Variants in KIF21A observed in about 807,000 individuals in gnomAD.
KIF21A encodes kinesin family member 21A.
A neutral mutation model predicts 202.9 loss-of-function variants in KIF21A; 114 were observed. That is an observed-to-expected ratio of 0.56 (90% confidence interval 0.48 to 0.66). The LOEUF is 0.66. Among genes scored for constraint, KIF21A ranks in the 30% least tolerant of loss-of-function variants. The pLI is 0.00. For missense variants in KIF21A, 1,677 were observed against 1,994.9 expected, an observed-to-expected ratio of 0.84 and a Z score of 3.04; for synonymous variants, 667 against 670.8, an observed-to-expected ratio of 0.99 and a Z score of 0.09.
chr12:39,306,755 T>C (rs1270909804), intron 34 of KIF21A, among the ~76,000 whole-genome samples: 1 of 152,194 alleles, frequency 6.6e-6, no homozygotes, highest in Non-Finnish European at 1.5e-5. Context: ...GCACAGTGGC[T>C]CCTGCCTATA....
chr12:39,373,263 C>T (rs77728986), intron 1 of KIF21A, among the ~76,000 whole-genome samples: 65 of 152,328 alleles, frequency 4.3e-4, no homozygotes, highest in South Asian at 1.7e-3. Context: ...AGTTTCACTA[C>T]CAGCTATGCT....
chr12:39,367,482 A>G (rs1949678375), intron 4 of KIF21A, among the ~76,000 whole-genome samples: 1 of 152,188 alleles, frequency 6.6e-6, no homozygotes, highest in South Asian at 2.1e-4. Flanking sequence ...ACGCTTCTCT[A>G]TATTCCGTTA....
At chr12:39,412,213 A>C (rs1953152376) in intron 1 of KIF21A, among the ~76,000 whole-genome samples, 1 of 152,168 alleles carries the variant, frequency 6.6e-6, no homozygotes, top group Non-Finnish European at 1.5e-5. Flanking sequence ...TATTCTCAAT[A>C]AGTACAATGA....
At chr12:39,329,719 G>A (rs561966833) in intron 24 of KIF21A, among the ~76,000 whole-genome samples, 214 of 152,234 alleles carry the variant, frequency 1.4e-3, no homozygotes, top group African/African-American at 4.8e-3. Context: ...TGAATAGCCT[G>A]ACCAATATTG....
In KIF21A at chr12:39,300,198, G is replaced by C. The variant is rs564822057; in HGVS notation, c.4931+1282C>G. 3.3e-5 allele frequency among the ~76,000 whole-genome samples: 5 copies of C among 152,206 alleles called. No individual in the cohort carries two copies. In the East Asian group the frequency reaches 7.7e-4, roughly 23 times the overall value. On this transcript the variant is annotated intron_variant, in intron 37 of 37. Coordinates refer to ENST00000361418, the MANE Select transcript of KIF21A (RefSeq NM_001173464.2). ...CAATTACATTACATGTCAATCCCCA[G>C]GCCTCACTGATACACAATACTAAGT...
At position 39,442,848 on chromosome 12, in the gene KIF21A, G is replaced by T; in HGVS notation, c.44+79C>A. 1.3e-6 allele frequency: 2 copies of T among 1,490,650 alleles called. No individual in the cohort carries two copies. Among genetic ancestry groups the T allele is most frequent in the Non-Finnish European group, 1.8e-6 (2 of 1,116,066 alleles). The allele number at this position is 1,490,650 out of a possible 1,614,324, so 92.3% of individuals were successfully genotyped here. On this transcript the variant is annotated intron_variant, in intron 1 of 37. Transcript: ENST00000361418. The surrounding 1 kb of genome is among the most constrained non-coding windows in gnomAD (Gnocchi z 5.0). The stretch of plus-strand genomic sequence containing the variant: ...CTCAGGTCGCTCCACCCCGGTAGCC[G>T]GTGCTCCGCGCCACAGCCAGGTCCT...
chr12:39,392,671 A>T (rs1323264409), intron 1 of KIF21A, among the ~76,000 whole-genome samples: 1 of 151,610 alleles, frequency 6.6e-6, no homozygotes, highest in Non-Finnish European at 1.5e-5. Flanking sequence ...CAGGACAAGG[A>T]GGTAGTTGGT....
intron 1 of KIF21A, among the ~76,000 whole-genome samples, chr12:39,425,432 T>C (rs940530117): frequency 2.0e-5 from 3 of 152,148 alleles, no homozygotes; most frequent in African/African-American, 7.2e-5. Flanking sequence ...TTTTCACCTC[T>C]GATGTTAAAG....
intron 1 of KIF21A, among the ~76,000 whole-genome samples, chr12:39,374,154 C>T (rs1190224993): frequency 6.6e-6 from 1 of 152,170 alleles, no homozygotes; most frequent in Non-Finnish European, 1.5e-5. Context: ...GAACACCCAA[C>T]CCAAGCCAGT....
intron 10 of KIF21A, among the ~76,000 whole-genome samples, chr12:39,352,598 C>A (rs1374136198): frequency 6.6e-6 from 1 of 152,156 alleles, no homozygotes; most frequent in Non-Finnish European, 1.5e-5. Context: ...AATACACAAG[C>A]AGCATGCTCC....
At chr12:39,371,804 C>T (rs1949974885) in intron 1 of KIF21A, among the ~76,000 whole-genome samples, 1 of 151,896 alleles carries the variant, frequency 6.6e-6, no homozygotes, top group Non-Finnish European at 1.5e-5. Flanking sequence ...GTGGTGCAGC[C>T]TGTAATCCCA....
intron 1 of KIF21A, among the ~76,000 whole-genome samples, chr12:39,416,746 T>TGTACATATATATGTGTATATAC (rs1953729171): frequency 6.4e-5 from 9 of 140,586 alleles, no homozygotes; most frequent in African/African-American, 1.9e-4. Context: ...TGTATATATA[T>TGTACATATATATGTGTATATAC]ATGTACATAT....
chr12:39,351,421 TG>T (rs755628999), intron 11 of KIF21A, among the ~76,000 whole-genome samples: 1 of 151,896 alleles, frequency 6.6e-6, no homozygotes, highest in Non-Finnish European at 1.5e-5. Context: ...CATTAGGAAA[TG>T]GGGAAAAAAT....
chr12:39,392,239 GAA>G (rs1230828332), intron 1 of KIF21A, among the ~76,000 whole-genome samples: 1 of 152,162 alleles, frequency 6.6e-6, no homozygotes, highest in East Asian at 1.9e-4. Flanking sequence ...GGCTTTTCAT[GAA>G]AGAGTGACAA....
Position 39,343,522 on chromosome 12 carries a change from A to G in KIF21A, c.1713-1398T>C, listed in dbSNP as rs577538102. ...ATCATGTTTTCATATATTCTTCTATATTAAATAATTTCCCTAATACATGGA... is the reference window on the plus strand; with the variant it reads ...ATCATGTTTTCATATATTCTTCTATGTTAAATAATTTCCCTAATACATGGA... On this transcript the variant is annotated intron_variant, in intron 12 of 37. Transcript: ENST00000361418. 1.4e-4 allele frequency among the ~76,000 whole-genome samples: 22 copies of G among 152,306 alleles called. No individual in the cohort carries two copies. The East Asian group carries it at 4.2e-3, about 29-fold the overall frequency.
At chr12:39,441,406 C>T (rs1418229435) in intron 1 of KIF21A, among the ~76,000 whole-genome samples, 1 of 151,926 alleles carries the variant, frequency 6.6e-6, no homozygotes, top group Admixed American at 6.6e-5. Context: ...CTTCACTTTC[C>T]TTGATCAGAT....
intron 22 of KIF21A, 94 bp downstream of exon 22, chr12:39,331,596 A>T: frequency 2.4e-6 from 2 of 842,352 alleles, no homozygotes; most frequent in Non-Finnish European, 4.1e-6. Context: ...CTTCTTCCTT[A>T]TTACAAAGCA....
rs767452046 is a variant in KIF21A at position 39,301,654 on chromosome 12, C to A, written c.4757G>T (p.Trp1586Leu). The stretch of plus-strand genomic sequence containing the variant: ...TGGCACCACTCCCAGGGCACAGACC[C>A]AATCCTTATGTGCATTTGGAACTTG... ...LQQVPNAHKD[W>L]VCALGVVPDH... The change falls in exon 37 of 38, where the codon TGG (tryptophan) becomes TTG (leucine). Residue 1586 changes from tryptophan to leucine, a missense_variant. Trp to Leu is a moderately conservative substitution (Grantham distance 61). Coordinates refer to ENST00000361418, the MANE Select transcript of KIF21A (RefSeq NM_001173464.2). The A allele has an allele frequency of 6.2e-7, 1 of 1,614,034 alleles. No individual in the cohort carries two copies.
chr12:39,365,705 A>G (rs1229754815), intron 6 of KIF21A, among the ~76,000 whole-genome samples: 1 of 152,256 alleles, frequency 6.6e-6, no homozygotes, highest in Non-Finnish European at 1.5e-5. Context: ...TTCACCCATG[A>G]AATAACTTAA....
Sources: allele counts gnomAD v4.1 joint callset (sites outside exome capture counted in the v4.1 genomes callset), GRCh38; gene constraint gnomAD v4.1.1; non-coding constraint Gnocchi (gnomAD v3.1); transcripts MANE v1.5; gene names NCBI Gene and HGNC (gene_info 2026-07-23, HGNC 2026-07-21).